KCNC2: variants seen among roughly 807,000 people sequenced by gnomAD.
KCNC2 encodes voltage-gated potassium channel KCNC2.
KCNC2 carries 21 observed loss-of-function variants against 44.5 expected under a neutral mutation model. That is an observed-to-expected ratio of 0.47 (90% CI 0.33 to 0.68). The LOEUF (loss-of-function observed/expected upper bound fraction) is 0.68, where lower values mean the gene tolerates loss of function less well. KCNC2 is among the 30% of genes least tolerant of loss of function. The pLI, the probability that KCNC2 is intolerant of heterozygous loss-of-function variation, is 0.01. For synonymous variants in KCNC2, 391 were observed against 339.1 expected, an observed-to-expected ratio of 1.15 and a Z score of -1.68; for missense variants, 589 against 826.2, an observed-to-expected ratio of 0.71 and a Z score of 3.52.
intron 2 of KCNC2, among the ~76,000 whole-genome samples, chr12:75,160,833 T>C (rs540856716): frequency 1.3e-5 from 2 of 151,932 alleles, no homozygotes; most frequent in East Asian, 3.9e-4. Flanking sequence ...ACATATAATA[T>C]GTATGGTAGT....
In KCNC2 at chr12:75,041,523, T is replaced by C. The variant is rs919274733; in HGVS notation, c.*1582A>G. 12 of 1,146,756 alleles carry C rather than the reference T, an allele frequency of 1.0e-5. No individual in the cohort carries two copies. In the African/African-American group the frequency reaches 1.9e-4, roughly 18 times the overall value. 71.0% of individuals were successfully genotyped at this position (1,146,756 alleles called of 1,614,324 possible). A position where few individuals can be genotyped will look rare whatever the true frequency, so the allele number is the denominator to read the frequency against. On this transcript the variant is annotated 3_prime_UTR_variant, in exon 5 of 5. Coordinates refer to ENST00000549446, the MANE Select transcript of KCNC2 (RefSeq NM_139137.4). ...CTCCCAAATGCCTTAGTGATATTAT[T>C]TATCCCTCTATTTATATTACGGTCT...
At chr12:75,155,105 T>G (rs935006535) in intron 2 of KCNC2, among the ~76,000 whole-genome samples, 3 of 141,190 alleles carry the variant, frequency 2.1e-5, no homozygotes, top group Non-Finnish European at 4.5e-5. Context: ...CAATCTTGTC[T>G]GTCAACCCTC....
At chr12:75,168,402 G>T (rs1289600547) in intron 2 of KCNC2, among the ~76,000 whole-genome samples, 2 of 151,380 alleles carry the variant, frequency 1.3e-5, no homozygotes, top group African/African-American at 2.4e-5. Context: ...GAAGTTAATT[G>T]CCTAAGGCCA....
At chr12:75,201,371 C>T (rs545155545) in intron 2 of KCNC2, among the ~76,000 whole-genome samples, 1 of 149,190 alleles carries the variant, frequency 6.7e-6, no homozygotes, top group Non-Finnish European at 1.5e-5. Flanking sequence ...CATGTCGTCC[C>T]TTCCTCTCTC....
At chr12:75,068,711 T>A (rs186411301) in intron 2 of KCNC2, among the ~76,000 whole-genome samples, 1 of 151,774 alleles carries the variant, frequency 6.6e-6, no homozygotes, top group East Asian at 1.9e-4. Flanking sequence ...CAGGGGAATG[T>A]CAAAGAGAAC....
intron 1 of KCNC2, among the ~76,000 whole-genome samples, chr12:75,208,762 C>T (rs1264404319): frequency 2.6e-5 from 4 of 152,072 alleles, no homozygotes; most frequent in Non-Finnish European, 4.4e-5. Flanking sequence ...TCTGCTGTTG[C>T]TTTTCACCTA....
chr12:75,144,422 G>A lies in KCNC2; in HGVS notation c.687+62875C>T, dbSNP rs114006485. On this transcript the variant is annotated intron_variant, in intron 2 of 4. Transcript: ENST00000549446. ...TTAAATTATTAAGTCGTTGGCTACT[G>A]CACTAAATTAGGGCCACTAGAACTC... Among the ~76,000 whole-genome samples, 1,474 of 152,196 alleles carry A rather than the reference G, an allele frequency of 9.7e-3. 19 individuals are homozygous for A. The highest frequency in any genetic ancestry group is 0.034 in the African/African-American group (1,398 of 41,530).
At chr12:75,081,174 C>A (rs919224675) in intron 2 of KCNC2, among the ~76,000 whole-genome samples, 3 of 152,016 alleles carry the variant, frequency 2.0e-5, no homozygotes, top group African/African-American at 7.2e-5. Context: ...TCCCAATAAC[C>A]TTTCAACTTC....
intron 2 of KCNC2, chr12:75,140,020 G>A (rs1331545598): frequency 6.6e-6 from 1 of 152,134 alleles, no homozygotes; most frequent in Non-Finnish European, 1.5e-5. Flanking sequence ...ATCAGAATAA[G>A]AATCATATAT....
At chr12:75,137,545 T>A (rs1259484459) in intron 2 of KCNC2, among the ~76,000 whole-genome samples, 1 of 152,078 alleles carries the variant, frequency 6.6e-6, no homozygotes, top group Non-Finnish European at 1.5e-5. Context: ...CATAATCACA[T>A]CCATTAAAAA....
chr12:75,086,058 A>G (rs995020286), intron 2 of KCNC2, among the ~76,000 whole-genome samples: 4 of 152,026 alleles, frequency 2.6e-5, no homozygotes, highest in African/African-American at 4.8e-5. Flanking sequence ...TTTCTAGATA[A>G]ATATGTTTTC....
intron 2 of KCNC2, among the ~76,000 whole-genome samples, chr12:75,149,147 C>A (rs921670131): frequency 3.3e-5 from 5 of 151,760 alleles, no homozygotes; most frequent in African/African-American, 1.2e-4. Context: ...AAATCTCTAT[C>A]CAGTCATTTA....
At chr12:75,078,511 T>C (rs1318362674) in intron 2 of KCNC2, among the ~76,000 whole-genome samples, 1 of 152,192 alleles carries the variant, frequency 6.6e-6, no homozygotes, top group Non-Finnish European at 1.5e-5. Context: ...TTCTCCATCA[T>C]AATAGTCAAC....
At chr12:75,185,244 T>C (rs555350794) in intron 2 of KCNC2, among the ~76,000 whole-genome samples, 3 of 152,284 alleles carry the variant, frequency 2.0e-5, no homozygotes, top group African/African-American at 7.2e-5. Context: ...CGCAGGCTAC[T>C]AAGGTTATGT....
At position 75,050,539 on chromosome 12, in the gene KCNC2, A is replaced by G; in HGVS notation, c.1466T>C (p.Leu489Pro). 6.2e-7 allele frequency: 1 copy of G among 1,613,524 alleles called. No individual in the cohort carries two copies. Among genetic ancestry groups the G allele is most frequent in the South Asian group, 1.1e-5 (1 of 91,078 alleles). ...GATGTGCTTCTTTCTTTTCCTTGGA[A>G]GTTTCTGCTTTGCCATTGCCAAGGA... is the stretch of plus-strand genomic sequence containing the variant. ...YYSLAMAKQK[L>P]PRKRKKHIPP... The change falls in exon 3 of 5, where the codon CTT becomes CCT. Residue 489 changes from leucine to proline, a missense_variant. By Grantham distance (98) the Leu-to-Pro change is moderately conservative (BLOSUM62 -3). Coordinates refer to ENST00000549446, the MANE Select transcript of KCNC2 (RefSeq NM_139137.4).
chr12:75,087,826 A>T (rs1398372109), intron 2 of KCNC2, among the ~76,000 whole-genome samples: 1 of 152,030 alleles, frequency 6.6e-6, no homozygotes, highest in Non-Finnish European at 1.5e-5. Flanking sequence ...TGATTCAAAG[A>T]ACCTTTCCAA....
chr12:75,186,283 G>A lies in KCNC2; in HGVS notation c.687+21014C>T, dbSNP rs1475378752. Among the ~76,000 whole-genome samples, 17 of 151,870 alleles carry A rather than the reference G, an allele frequency of 1.1e-4. 1 individual carries two copies. In the South Asian group the frequency reaches 3.5e-3, roughly 31 times the overall value. ...CAGGGCTCTCCCTTCCATGCATCTT[G>A]TGCCTCTGCACACCACTCCAATCAA... On this transcript the variant is annotated intron_variant, in intron 2 of 4. Coordinates refer to ENST00000549446, the MANE Select transcript of KCNC2 (RefSeq NM_139137.4).
intron 2 of KCNC2, among the ~76,000 whole-genome samples, chr12:75,108,873 C>A (rs1484411134): frequency 6.6e-6 from 1 of 152,022 alleles, no homozygotes; most frequent in African/African-American, 2.4e-5. Context: ...AATATTATTC[C>A]AAAATAATAT....
chr12:75,165,847 A>G (rs989906379), intron 2 of KCNC2, among the ~76,000 whole-genome samples: 3 of 151,582 alleles, frequency 2.0e-5, no homozygotes, highest in African/African-American at 2.4e-5. Flanking sequence ...GAAGCCCTAC[A>G]TAAATCCAAC....
Sources: gnomAD v4.1 joint callset for allele counts (sites outside exome capture counted in the v4.1 genomes callset) on GRCh38, gnomAD v4.1.1 for gene constraint, MANE v1.5 for transcripts, NCBI Gene and HGNC (gene_info 2026-07-23, HGNC 2026-07-21) for gene names.